Variants in TBCK observed in about 807,000 individuals in gnomAD.
TBCK encodes TBC1 domain containing kinase.
A neutral mutation model predicts 113.4 loss-of-function variants in TBCK; 99 were observed. The observed-to-expected ratio is 0.87, with a 90% CI of 0.74 to 1.03. The LOEUF (loss-of-function observed/expected upper bound fraction) is 1.03, where lower values mean the gene tolerates loss of function less well. Ranked by LOEUF, TBCK falls within the 50% of genes least tolerant of loss-of-function variation. TBCK has a pLI of 0.00. For missense variants in TBCK, 1,045 were observed against 1,061.3 expected, an observed-to-expected ratio of 0.98 and a Z score of 0.21; for synonymous variants, 369 against 370.8, an observed-to-expected ratio of 1.00 and a Z score of 0.05.
intron 21 of TBCK, among the ~76,000 whole-genome samples, chr4:106,194,250 T>C (rs2149815507): frequency 6.6e-6 from 1 of 152,188 alleles, no homozygotes; most frequent in African/African-American, 2.4e-5. Flanking sequence ...CAAATATTAT[T>C]ACAGTTACCA....
intron 25 of TBCK, among the ~76,000 whole-genome samples, chr4:106,047,205 TGAATTTGAAGGACAGATCCA>T (rs1376970722): frequency 1.3e-5 from 2 of 152,170 alleles, no homozygotes; most frequent in African/African-American, 4.8e-5. Flanking sequence ...AAACCTGGAA[TGAATTTGAAGGACAGATCCA>T]GGAAGACTTC....
At chr4:106,270,310 T>C (rs756073385) in intron 3 of TBCK, among the ~76,000 whole-genome samples, 16 of 152,210 alleles carry the variant, frequency 1.1e-4, no homozygotes, top group Admixed American at 2.0e-4. Context: ...GATCTCAAGA[T>C]TGGCTGCATA....
chr4:106,285,907 A>T (rs1446508200), intron 3 of TBCK, among the ~76,000 whole-genome samples: 1 of 152,236 alleles, frequency 6.6e-6, no homozygotes, highest in Non-Finnish European at 1.5e-5. Context: ...AAATTGCAGT[A>T]CATCAACTCT....
intron 3 of TBCK, among the ~76,000 whole-genome samples, chr4:106,271,110 T>G (rs1185709421): frequency 6.6e-6 from 1 of 152,206 alleles, no homozygotes; most frequent in African/African-American, 2.4e-5. Context: ...ATAAATACTT[T>G]TCCCTAAACC....
chr4:106,177,734 C>T (rs75184088), intron 22 of TBCK, among the ~76,000 whole-genome samples: 124 of 152,024 alleles, frequency 8.2e-4, no homozygotes, highest in African/African-American at 2.8e-3. Flanking sequence ...GTTACTACAG[C>T]TCTGTAGTAT....
rs750862111 is a variant in TBCK, at chr4:106,116,381, GA to G, written c.2236-4del. ...TTTAATGGGATGGATTCTCTTGACT[GA>G]AAAAAAAAATGTACAAAAAAAAATA... On this transcript the variant is annotated splice_polypyrimidine_tract_variant and splice_region_variant and intron_variant, in intron 23 of 25. Coordinates refer to ENST00000394708, the MANE Select transcript of TBCK (RefSeq NM_001163435.3). The G allele has an allele frequency of 1.8e-3, 2,506 of 1,408,388 alleles. 7 individuals are homozygous for G. The highest frequency in any genetic ancestry group is 0.015 in the South Asian group (1,018 of 69,316). The allele number at this position is 1,408,388 out of a possible 1,614,324, so 87.2% of individuals were successfully genotyped here.
At chr4:106,077,239 G>T (rs1197139121) in intron 25 of TBCK, among the ~76,000 whole-genome samples, 1 of 152,182 alleles carries the variant, frequency 6.6e-6, no homozygotes, top group Admixed American at 6.5e-5. Flanking sequence ...ATACCCCATT[G>T]ACACTATAAT....
chr4:106,168,308 A>C (rs1331913068), intron 23 of TBCK, among the ~76,000 whole-genome samples: 1 of 151,896 alleles, frequency 6.6e-6, no homozygotes, highest in Non-Finnish European at 1.5e-5. Flanking sequence ...TCATGATAAA[A>C]AATCTCTCAG....
At chr4:106,158,821 A>T (rs1749415091) in intron 23 of TBCK, among the ~76,000 whole-genome samples, 2 of 152,164 alleles carry the variant, frequency 1.3e-5, no homozygotes, top group African/African-American at 4.8e-5. Context: ...CTGATTCCAA[A>T]GCCATACAAA....
At chr4:106,224,325 T>TC (rs397758201) in intron 19 of TBCK, among the ~76,000 whole-genome samples, 1 of 151,738 alleles carries the variant, frequency 6.6e-6, no homozygotes, top group Non-Finnish European at 1.5e-5. Flanking sequence ...CTTTTTTTTT[T>TC]CAAAGAACAA....
intron 25 of TBCK, among the ~76,000 whole-genome samples, chr4:106,058,020 G>C (rs1322220100): frequency 1.3e-5 from 2 of 151,768 alleles, no homozygotes; most frequent in East Asian, 3.9e-4. Flanking sequence ...CTTGTGCAAA[G>C]GTGTAGTCTA....
chr4:106,072,817 ACTTCT>A (rs1193049604), intron 25 of TBCK, among the ~76,000 whole-genome samples: 3 of 151,608 alleles, frequency 2.0e-5, no homozygotes, highest in East Asian at 1.9e-4. Flanking sequence ...TTTTCTCTAA[ACTTCT>A]CTTCTCTCTT....
intron 22 of TBCK, among the ~76,000 whole-genome samples, chr4:106,187,753 G>T (rs1033670244): frequency 6.6e-6 from 1 of 152,112 alleles, no homozygotes; most frequent in Non-Finnish European, 1.5e-5. Context: ...AGTTATCGTT[G>T]TAGAGATCTT....
intron 22 of TBCK, among the ~76,000 whole-genome samples, chr4:106,175,142 A>C (rs1379077427): frequency 6.6e-6 from 1 of 151,828 alleles, no homozygotes; most frequent in Non-Finnish European, 1.5e-5. Flanking sequence ...CAAAAAAAAA[A>C]AAAAGAAAAA....
At chr4:106,169,432 A>G (rs1436701034) in intron 23 of TBCK, among the ~76,000 whole-genome samples, 1 of 152,136 alleles carries the variant, frequency 6.6e-6, no homozygotes, top group Non-Finnish European at 1.5e-5. Context: ...AAAGGCAATA[A>G]AATGGAAAAG....
chr4:106,143,016 A>G (rs1281946104), intron 23 of TBCK, among the ~76,000 whole-genome samples: 1 of 152,198 alleles, frequency 6.6e-6, no homozygotes, highest in Non-Finnish European at 1.5e-5. Flanking sequence ...GGACAATCCT[A>G]AGTGAAATAC....
chr4:106,274,499 TA>T, intron 3 of TBCK, among the ~76,000 whole-genome samples: 1 of 152,132 alleles, frequency 6.6e-6, no homozygotes, highest in East Asian at 1.9e-4. Context: ...GCAATACAAA[TA>T]AATGAAGTAC....
intron 24 of TBCK, among the ~76,000 whole-genome samples, chr4:106,097,850 AT>A (rs981927173): frequency 4.6e-5 from 7 of 152,054 alleles, no homozygotes; most frequent in Admixed American, 6.5e-5. Flanking sequence ...ATTTCTGTAT[AT>A]TTTTTATTAG....
chr4:106,224,782 G>A (rs937454846), intron 19 of TBCK, among the ~76,000 whole-genome samples: 3 of 151,938 alleles, frequency 2.0e-5, no homozygotes, highest in African/African-American at 7.3e-5. Context: ...TTTTACTTCA[G>A]TCCTCTTCTT....
Sources: gnomAD v4.1 joint callset for allele counts (sites outside exome capture counted in the v4.1 genomes callset) on GRCh38, gnomAD v4.1.1 for gene constraint, MANE v1.5 for transcripts, NCBI Gene and HGNC (gene_info 2026-07-23, HGNC 2026-07-21) for gene names.